The following AKAP13 variants were observed in gnomAD, a reference collection of about 807,000 sequenced individuals.
AKAP13 encodes A-kinase anchor protein 13.
Under a neutral mutation model 264.5 loss-of-function variants are expected in AKAP13, and 80 were observed. That is an observed-to-expected ratio of 0.30 (90% CI 0.25 to 0.36). The LOEUF is 0.36. Among genes scored for constraint, AKAP13 ranks in the 10% least tolerant of loss-of-function variants. The pLI is 1.00. For missense variants in AKAP13, 3,712 were observed against 3,435.2 expected (o/e 1.08, Z -2.01); for synonymous variants, 1,380 against 1,250.2 (o/e 1.10, Z -2.19).
Position 85,546,321 on chromosome 15 carries a change from A to AACACACACACACACACACACAC in AKAP13, c.662+2384_662+2405dup, listed in dbSNP as rs60271542. Among the ~76,000 whole-genome samples, 156 of 145,276 alleles carry AACACACACACACACACACACAC rather than the reference A, an allele frequency of 1.1e-3. 1 individual carries two copies. The highest frequency in any genetic ancestry group is 3.5e-3 in the Middle Eastern group (1 of 286). On this transcript the variant is annotated intron_variant, in intron 5 of 36. Transcript: ENST00000394518. The stretch of plus-strand genomic sequence containing the variant: ...TAAATTTATATAATTGTTGTTACCA[A>AACACACACACACACACACACAC]ACACACACACACACACACACACACA...
At chr15:85,488,636 A>C (rs116573941) in intron 2 of AKAP13, among the ~76,000 whole-genome samples, 2,544 of 152,300 alleles carry the variant, frequency 0.017, 88 homozygotes, top group African/African-American at 0.058. Context: ...CATGAGTGAG[A>C]GGGAGTATCA....
intron 3 of AKAP13, among the ~76,000 whole-genome samples, chr15:85,531,579 C>T (rs1193710129): frequency 6.6e-6 from 1 of 152,134 alleles, no homozygotes; most frequent in African/African-American, 2.4e-5. Flanking sequence ...GGCTGGCTGC[C>T]CTTCAAAGAA....
At chr15:85,591,282 C>A (rs1379860847) in intron 8 of AKAP13, among the ~76,000 whole-genome samples, 1 of 152,148 alleles carries the variant, frequency 6.6e-6, no homozygotes, top group Non-Finnish European at 1.5e-5. Context: ...TGGGAAGTCC[C>A]ATCCACTTGG....
intron 8 of AKAP13, among the ~76,000 whole-genome samples, chr15:85,608,640 G>T (rs1025245550): frequency 2.0e-5 from 3 of 152,210 alleles, no homozygotes; most frequent in African/African-American, 7.2e-5. Context: ...AGAATTAAAG[G>T]ATGGACTTTG....
chr15:85,592,784 G>C lies in AKAP13; in HGVS notation c.4161+6961G>C, dbSNP rs1366046886. On this transcript the variant is annotated intron_variant, in intron 8 of 36. Coordinates refer to ENST00000394518, the MANE Select transcript of AKAP13 (RefSeq NM_007200.5). ...CCTAATACAAATTTTTAATACAATT[G>C]TGGAAAAGAAGTACCTCAGAGAACC... 2.6e-5 allele frequency among the ~76,000 whole-genome samples: 4 copies of C among 152,092 alleles called. No homozygotes were observed. The East Asian group carries it at 7.7e-4, about 29-fold the overall frequency.
chr15:85,442,501 T>A (rs1215428513), intron 1 of AKAP13, among the ~76,000 whole-genome samples: 1 of 109,384 alleles, frequency 9.1e-6, no homozygotes, highest in Non-Finnish European at 1.9e-5. Context: ...ATATATATTA[T>A]ATTATATATA....
rs550403389 is a variant in AKAP13, at chr15:85,674,435, T to C, written c.5101+4605T>C. 3.3e-5 allele frequency among the ~76,000 whole-genome samples: 5 copies of C among 152,312 alleles called. No individual in the cohort carries two copies. In the East Asian group the frequency reaches 9.6e-4, roughly 29 times the overall value. ...TGTCTCATCATATATATGCAAATAT[T>C]CCAAAATTCAAAATCTGAAATACTT... On this transcript the variant is annotated intron_variant, in intron 14 of 36. Transcript: ENST00000394518.
intron 13 of AKAP13, among the ~76,000 whole-genome samples, chr15:85,666,317 A>G (rs924391317): frequency 2.0e-5 from 3 of 151,400 alleles, no homozygotes; most frequent in Non-Finnish European, 4.4e-5. Flanking sequence ...GGCTGCATAA[A>G]TGTCTTCTTT....
chr15:85,574,093 C>T (rs964881602), intron 5 of AKAP13, among the ~76,000 whole-genome samples: 4 of 152,202 alleles, frequency 2.6e-5, no homozygotes, highest in Admixed American at 1.3e-4. Flanking sequence ...CTGTATACCA[C>T]ACTGTGTATC....
chr15:85,404,797 C>T (rs939749705), intron 1 of AKAP13, among the ~76,000 whole-genome samples: 1 of 152,164 alleles, frequency 6.6e-6, no homozygotes, highest in Non-Finnish European at 1.5e-5. Context: ...GAATGAATGG[C>T]TGTTAGATTG....
intron 5 of AKAP13, among the ~76,000 whole-genome samples, chr15:85,552,963 C>T (rs1195309670): frequency 1.3e-5 from 2 of 151,966 alleles, no homozygotes; most frequent in Non-Finnish European, 2.9e-5. Context: ...CCTAGAAAGA[C>T]ACATGGCCTA....
intron 8 of AKAP13, among the ~76,000 whole-genome samples, chr15:85,623,350 G>A (rs1359888989): frequency 6.6e-6 from 1 of 152,186 alleles, no homozygotes; most frequent in East Asian, 1.9e-4. Flanking sequence ...GTGAAATATG[G>A]CAGTAATTAC....
chr15:85,734,887 T>G, intron 30 of AKAP13, 105 bp from the exon 31 acceptor site: 5 of 1,445,338 alleles, frequency 3.5e-6, no homozygotes, highest in Non-Finnish European at 4.6e-6. Context: ...AGTCACTCTT[T>G]GGAACTTTCA....
intron 2 of AKAP13, among the ~76,000 whole-genome samples, chr15:85,510,341 C>T (rs1164145656): frequency 1.3e-5 from 2 of 152,054 alleles, no homozygotes; most frequent in East Asian, 3.8e-4. Flanking sequence ...CATTCATCTC[C>T]CTGTACCTAG....
At chr15:85,443,878 G>A (rs2073804950) in intron 1 of AKAP13, among the ~76,000 whole-genome samples, 1 of 152,134 alleles carries the variant, frequency 6.6e-6, no homozygotes, top group Admixed American at 6.5e-5. Flanking sequence ...TTGACTGCCA[G>A]AACTTGCCAT....
intron 7 of AKAP13, among the ~76,000 whole-genome samples, chr15:85,583,654 A>G (rs1419419746): frequency 1.3e-5 from 2 of 152,224 alleles, no homozygotes; most frequent in Non-Finnish European, 2.9e-5. Context: ...ATGGGCCGGA[A>G]TTATTTCTCT....
intron 1 of AKAP13, among the ~76,000 whole-genome samples, chr15:85,403,488 T>C (rs1368353091): frequency 6.6e-6 from 1 of 152,200 alleles, no homozygotes; most frequent in Non-Finnish European, 1.5e-5. Flanking sequence ...CAAGATGGCA[T>C]GGTCTTGTGA....
intron 1 of AKAP13, among the ~76,000 whole-genome samples, chr15:85,386,032 C>T (rs186946891): frequency 6.6e-6 from 1 of 152,220 alleles, no homozygotes; most frequent in Non-Finnish European, 1.5e-5. Flanking sequence ...TCCATGTTGG[C>T]CAGGCTGATC....
chr15:85,394,713 C>T (rs755265860), intron 1 of AKAP13, among the ~76,000 whole-genome samples: 5 of 152,178 alleles, frequency 3.3e-5, no homozygotes, highest in Non-Finnish European at 7.4e-5. Flanking sequence ...GGTTCTGTCA[C>T]ATAATTGACT....
Sources: gnomAD v4.1 joint callset for allele counts (sites outside exome capture counted in the v4.1 genomes callset) on GRCh38, gnomAD v4.1.1 for gene constraint, MANE v1.5 for transcripts, NCBI Gene and HGNC (gene_info 2026-07-23, HGNC 2026-07-21) for gene names.